The following DESI2 variants were observed in gnomAD, a reference collection of about 807,000 sequenced individuals.
DESI2 encodes the protein desumoylating isopeptidase 2, also known as deubiquitinase DESI2.
In DESI2, 10 loss-of-function variants were observed where a neutral mutation model predicts 24.1. The observed-to-expected ratio is 0.41, with a 90% CI of 0.26 to 0.70. The LOEUF is 0.70. Ranked by LOEUF, DESI2 falls within the 30% of genes least tolerant of loss-of-function variation. The pLI is 0.29. For missense variants in DESI2, 122 were observed against 234.9 expected (o/e 0.52, Z 3.14); for synonymous variants, 71 against 87.7 (o/e 0.81, Z 1.06).
chr1:244,697,119 A>G (rs933091197), intron 4 of DESI2, among the ~76,000 whole-genome samples: 1 of 152,120 alleles, frequency 6.6e-6, no homozygotes, highest in Non-Finnish European at 1.5e-5. Flanking sequence ...TTTTGTTGTA[A>G]TAAGTCATAG....
In DESI2 at chr1:244,706,128, T is replaced by C. The variant is rs1677693471; in HGVS notation, c.*339T>C. On this transcript the variant is annotated 3_prime_UTR_variant, in exon 5 of 5. Transcript: ENST00000302550. ...CTCCTGCCACAGTGAAAGAAGAAAA[T>C]CTTCATGTCTTCAAAAATTAGGCAG... 4.6e-6 allele frequency: 1 copy of C among 219,516 alleles called. No individual in the cohort carries two copies. Among genetic ancestry groups the C allele is most frequent in the Non-Finnish European group, 9.2e-6 (1 of 108,900 alleles). The allele number at this position is 219,516 out of a possible 1,614,324, so 13.6% of individuals were successfully genotyped here. A position where few individuals can be genotyped will look rare whatever the true frequency, so the allele number is the denominator to read the frequency against.
intron 1 of DESI2, among the ~76,000 whole-genome samples, chr1:244,658,060 G>C (rs746195803): frequency 6.6e-6 from 1 of 152,080 alleles, no homozygotes; most frequent in Non-Finnish European, 1.5e-5. Context: ...TATTTAAATC[G>C]GTTACTTTAT....
intron 1 of DESI2, among the ~76,000 whole-genome samples, chr1:244,659,945 A>G (rs1363658710): frequency 6.6e-6 from 1 of 152,242 alleles, no homozygotes; most frequent in African/African-American, 2.4e-5. Context: ...TTTGAAAAAT[A>G]CAACTCAGAT....
intron 1 of DESI2, among the ~76,000 whole-genome samples, chr1:244,670,479 C>G (rs1676208933): frequency 6.6e-6 from 1 of 152,156 alleles, no homozygotes; most frequent in Non-Finnish European, 1.5e-5. Flanking sequence ...ATCTTATTGC[C>G]AATAAATACG....
chr1:244,671,261 AGTT>A (rs1210478002), intron 1 of DESI2, among the ~76,000 whole-genome samples: 2 of 152,214 alleles, frequency 1.3e-5, no homozygotes, highest in East Asian at 3.8e-4. Context: ...GGGATGATCT[AGTT>A]GTCAGCACTG....
intron 1 of DESI2, among the ~76,000 whole-genome samples, chr1:244,682,713 A>G (rs1197538087): frequency 6.6e-6 from 1 of 152,214 alleles, no homozygotes; most frequent in East Asian, 1.9e-4. Flanking sequence ...CAATTTGCAA[A>G]CAAATGAGCG....
At chr1:244,700,635 A>G (rs894534461) in intron 4 of DESI2, among the ~76,000 whole-genome samples, 1 of 152,182 alleles carries the variant, frequency 6.6e-6, no homozygotes, top group Non-Finnish European at 1.5e-5. Context: ...CCACCAGTAG[A>G]TGAAACTAGG....
rs538222913 is a variant in DESI2 at position 244,675,885 on chromosome 1, C to A, written c.43-10712C>A. On this transcript the variant is annotated intron_variant, in intron 1 of 4. Coordinates refer to ENST00000302550, the MANE Select transcript of DESI2 (RefSeq NM_016076.5). ...TATTACCATCCTAACAGTATTAAAT[C>A]TTCCAGTTCACAAGCGTGGAATGTC... Among the ~76,000 whole-genome samples the A allele has an allele frequency of 6.3e-4, 96 of 152,256 alleles. 1 individual carries two copies. Among genetic ancestry groups the A allele is most frequent in the African/African-American group, 2.1e-3 (86 of 41,540 alleles).
intron 4 of DESI2, 90 bp from the exon 5 acceptor site, chr1:244,705,466 C>T (rs1677657547): frequency 1.1e-5 from 12 of 1,087,818 alleles, no homozygotes; most frequent in Admixed American, 9.1e-5. Flanking sequence ...CTCTGTACGC[C>T]GCCCCCCTCC....
At chr1:244,698,751 G>T (rs577814673) in intron 4 of DESI2, among the ~76,000 whole-genome samples, 57 of 152,246 alleles carry the variant, frequency 3.7e-4, no homozygotes, top group African/African-American at 1.3e-3. Flanking sequence ...CCCTCTGTGG[G>T]GCTCTTCACT....
intron 4 of DESI2, among the ~76,000 whole-genome samples, chr1:244,700,529 C>T (rs1335914918): frequency 6.6e-6 from 1 of 152,052 alleles, no homozygotes. Flanking sequence ...TACCTCAGAA[C>T]TGTTTCCTTC....
In DESI2 at chr1:244,705,832, A is replaced by C. The variant is rs749345937; in HGVS notation, c.*43A>C. The C allele has an allele frequency of 3.6e-6, 5 of 1,398,168 alleles. No individual in the cohort carries two copies. The South Asian group carries it at 4.7e-5, about 13-fold the overall frequency. The allele number at this position is 1,398,168 out of a possible 1,614,324, so 86.6% of individuals were successfully genotyped here. On this transcript the variant is annotated 3_prime_UTR_variant, in exon 5 of 5. Transcript: ENST00000302550. ...CATTCAGAACTGTCTCTGGCAGTCG[A>C]ATATCACTAGAGAAAAGTAAACAGA...
chr1:244,676,320 G>A (rs936411137), intron 1 of DESI2, among the ~76,000 whole-genome samples: 2 of 151,696 alleles, frequency 1.3e-5, no homozygotes, highest in African/African-American at 2.4e-5. Context: ...TCCGTGATCC[G>A]CCCGCCTCAG....
intron 3 of DESI2, among the ~76,000 whole-genome samples, chr1:244,691,200 C>T (rs993727300): frequency 6.6e-6 from 1 of 152,164 alleles, no homozygotes; most frequent in Non-Finnish European, 1.5e-5. Flanking sequence ...GCGATTCTTC[C>T]GCCTCAGCCT....
At chr1:244,700,014 A>G (rs1364868011) in intron 4 of DESI2, among the ~76,000 whole-genome samples, 1 of 152,178 alleles carries the variant, frequency 6.6e-6, no homozygotes, top group African/African-American at 2.4e-5. Context: ...ATGGACCAAC[A>G]TGGAACTGAC....
At chr1:244,685,829 G>A (rs1304665050) in intron 1 of DESI2, among the ~76,000 whole-genome samples, 1 of 152,080 alleles carries the variant, frequency 6.6e-6, no homozygotes, top group Admixed American at 6.6e-5. Flanking sequence ...CTTTTTCTCA[G>A]TTTAACCCCC....
intron 1 of DESI2, among the ~76,000 whole-genome samples, chr1:244,654,815 G>A (rs1675591116): frequency 6.6e-6 from 1 of 151,982 alleles, no homozygotes. Flanking sequence ...TCTGAATTTG[G>A]TTTGTTTTTT....
At chr1:244,654,864 G>A (rs1385265386) in intron 1 of DESI2, among the ~76,000 whole-genome samples, 2 of 152,088 alleles carry the variant, frequency 1.3e-5, no homozygotes, top group East Asian at 1.9e-4. Flanking sequence ...AATATATTCT[G>A]CTCTTGAGAT....
At chr1:244,658,509 T>C (rs1425056325) in intron 1 of DESI2, among the ~76,000 whole-genome samples, 6 of 152,182 alleles carry the variant, frequency 3.9e-5, no homozygotes, top group Non-Finnish European at 8.8e-5. Context: ...TCTCCATTAC[T>C]GCGTATACTA....
Sources: allele counts gnomAD v4.1 joint callset (sites outside exome capture counted in the v4.1 genomes callset), GRCh38; gene constraint gnomAD v4.1.1; transcripts MANE v1.5; gene names NCBI Gene and HGNC (gene_info 2026-07-23, HGNC 2026-07-21).